Variants in ATF7 observed in about 807,000 individuals in gnomAD.
ATF7 encodes the protein activating transcription factor 7.
In ATF7, 10 loss-of-function variants were observed where a neutral mutation model predicts 50.4. That is an observed-to-expected ratio of 0.20 (90% CI 0.12 to 0.34). The LOEUF (loss-of-function observed/expected upper bound fraction) is 0.34. ATF7 is among the 10% of genes least tolerant of loss of function. The pLI is 1.00. For missense variants in ATF7, 465 were observed against 613.9 expected (o/e 0.76, Z 2.56); for synonymous variants, 201 against 226.4 (o/e 0.89, Z 1.01).
intron 2 of ATF7, among the ~76,000 whole-genome samples, chr12:53,587,568 G>A (rs79464068): frequency 0.037 from 5,585 of 149,900 alleles, 186 homozygotes; most frequent in East Asian, 0.19. Context: ...TTGGGAGGCT[G>A]AGGCACGACA....
At chr12:53,540,881 G>A (rs1367898804) in intron 4 of ATF7, among the ~76,000 whole-genome samples, 2 of 152,046 alleles carry the variant, frequency 1.3e-5, no homozygotes, top group African/African-American at 4.8e-5. Flanking sequence ...ATAGGCGTGT[G>A]CTACCACACT....
Position 53,605,272 on chromosome 12 carries a change from C to G in ATF7, c.-21-4251G>C, listed in dbSNP as rs149481315. 5.9e-3 allele frequency among the ~76,000 whole-genome samples: 902 copies of G among 151,824 alleles called. 12 individuals are homozygous for G. The highest frequency in any genetic ancestry group is 0.021 in the African/African-American group (856 of 41,348). On this transcript the variant is annotated intron_variant, in intron 1 of 11. Coordinates refer to ENST00000420353, the MANE Select transcript of ATF7 (RefSeq NM_006856.3). ...GGCATGGTGGCGCATGCCTGTAATC[C>G]CAGCTACTTGGGAGGCTGAGGCAGG...
intron 4 of ATF7, among the ~76,000 whole-genome samples, chr12:53,538,401 T>A (rs1229789249): frequency 6.6e-6 from 1 of 152,166 alleles, no homozygotes; most frequent in African/African-American, 2.4e-5. Flanking sequence ...TGGTGCTGGA[T>A]GTATCAGGTA....
chr12:53,567,332 G>A (rs979126164), intron 2 of ATF7, among the ~76,000 whole-genome samples: 3 of 152,034 alleles, frequency 2.0e-5, no homozygotes, highest in Admixed American at 2.0e-4. Context: ...CTATACACTG[G>A]GCTTTTAGGA....
rs147765372 is a variant in ATF7 at position 53,549,879 on chromosome 12, C to T, written c.145+2662G>A. Among the ~76,000 whole-genome samples, 210 of 152,074 alleles carry T rather than the reference C, an allele frequency of 1.4e-3. 1 individual carries two copies. The highest frequency in any genetic ancestry group is 4.9e-3 in the African/African-American group (204 of 41,512). On this transcript the variant is annotated intron_variant, in intron 3 of 11. Coordinates refer to ENST00000420353, the MANE Select transcript of ATF7 (RefSeq NM_006856.3). ...AATTATGGGCGTGAGCCAACATGCC[C>T]GGCTAATTTTGTATTTTTAGTAGAG...
chr12:53,540,938 T>C (rs1210552972), intron 4 of ATF7, among the ~76,000 whole-genome samples: 2 of 152,072 alleles, frequency 1.3e-5, no homozygotes, highest in African/African-American at 4.8e-5. Flanking sequence ...ACCATGCTGC[T>C]CAGGCTGGTC....
chr12:53,620,008 G>A (rs1235605835), intron 1 of ATF7, among the ~76,000 whole-genome samples: 2 of 152,028 alleles, frequency 1.3e-5, no homozygotes, highest in Non-Finnish European at 2.9e-5. Flanking sequence ...CAGGCATGGT[G>A]GCATGAGCCT....
Position 53,529,222 on chromosome 12 carries a change from G to A in ATF7, c.927+2522C>T, listed in dbSNP as rs961564653. Reference sequence around the variant, plus strand: ...ATTTATTTAGTTATTTATTTAAGACGGAGTTTCACTCTTGTTGCCCAGGCT... The same window carrying A: ...ATTTATTTAGTTATTTATTTAAGACAGAGTTTCACTCTTGTTGCCCAGGCT... On this transcript the variant is annotated intron_variant, in intron 9 of 11. Coordinates refer to ENST00000420353, the MANE Select transcript of ATF7 (RefSeq NM_006856.3). 2.3e-4 allele frequency among the ~76,000 whole-genome samples: 35 copies of A among 152,198 alleles called. 1 individual carries two copies. Among genetic ancestry groups the A allele is most frequent in the Admixed American group, 2.0e-3 (30 of 15,258 alleles).
chr12:53,527,310 TC>T (rs1938538908), intron 9 of ATF7, among the ~76,000 whole-genome samples: 1 of 150,228 alleles, frequency 6.7e-6, no homozygotes, highest in Non-Finnish European at 1.5e-5. Context: ...CATAGTGAGA[TC>T]CGTTTCTACA....
downstream of ATF7, chr12:53,512,046 G>A (rs1304249955): frequency 6.6e-6 from 1 of 152,188 alleles, no homozygotes; most frequent in Admixed American, 6.5e-5. Context: ...TGAAGCATCA[G>A]ACATAACAGT....
chr12:53,578,576 G>T (rs1942226512), intron 2 of ATF7, among the ~76,000 whole-genome samples: 1 of 151,814 alleles, frequency 6.6e-6, no homozygotes, highest in African/African-American at 2.4e-5. Context: ...TAGCCCGGGA[G>T]TTTGAGATCA....
chr12:53,545,635 C>CA (rs1360851104), intron 3 of ATF7, among the ~76,000 whole-genome samples: 5 of 152,020 alleles, frequency 3.3e-5, no homozygotes, highest in East Asian at 1.9e-4. Context: ...CGCGCCTAGC[C>CA]AAAAAAATCA....
chr12:53,605,494 A>G (rs1943567428), intron 1 of ATF7, among the ~76,000 whole-genome samples: 1 of 152,186 alleles, frequency 6.6e-6, no homozygotes, highest in South Asian at 2.1e-4. Flanking sequence ...AAATTCATTA[A>G]TTCACCAAAT....
Position 53,581,967 on chromosome 12 carries a change from A to T in ATF7, c.48+18986T>A, listed in dbSNP as rs114685156. Among the ~76,000 whole-genome samples the T allele has an allele frequency of 4.1e-3, 619 of 151,794 alleles. 2 individuals are homozygous for T. The highest frequency in any genetic ancestry group is 0.014 in the African/African-American group (568 of 41,396). On this transcript the variant is annotated intron_variant, in intron 2 of 11. Transcript: ENST00000420353. ...GCAAGACCATGTCTCTATAAAAAAT[A>T]AAAAAATTAGCCGGGTATGGTGGTG...
chr12:53,598,258 T>C (rs1413835824), intron 2 of ATF7, among the ~76,000 whole-genome samples: 1 of 152,190 alleles, frequency 6.6e-6, no homozygotes, highest in Non-Finnish European at 1.5e-5. Flanking sequence ...AGACTAAATA[T>C]AACTAAAGAA....
chr12:53,611,587 AT>A (rs1239701822), intron 1 of ATF7, among the ~76,000 whole-genome samples: 1 of 152,028 alleles, frequency 6.6e-6, no homozygotes, highest in Non-Finnish European at 1.5e-5. Context: ...TAGTTTTTAC[AT>A]TTTTCTTTTC....
At chr12:53,532,652 AG>A in intron 7 of ATF7, 29 bp from the exon 8 acceptor site, 1 of 1,410,320 alleles carries the variant, frequency 7.1e-7, no homozygotes, top group Non-Finnish European at 9.7e-7. Flanking sequence ...AAAAAAAAAA[AG>A]AGAAGGGAAC....
At chr12:53,562,119 A>C (rs1175222150) in intron 2 of ATF7, among the ~76,000 whole-genome samples, 1 of 152,226 alleles carries the variant, frequency 6.6e-6, no homozygotes, top group Non-Finnish European at 1.5e-5. Context: ...GTATAAAGAA[A>C]AGGAATTTTG....
At chr12:53,519,157 TTCA>T (rs1937932989) in intron 11 of ATF7, among the ~76,000 whole-genome samples, 1 of 152,174 alleles carries the variant, frequency 6.6e-6, no homozygotes, top group Non-Finnish European at 1.5e-5. Context: ...ACAGCATATA[TTCA>T]TCAAACATTT....
Sources: gnomAD v4.1 joint callset for allele counts (sites outside exome capture counted in the v4.1 genomes callset) on GRCh38, gnomAD v4.1.1 for gene constraint, MANE v1.5 for transcripts, NCBI Gene and HGNC (gene_info 2026-07-23, HGNC 2026-07-21) for gene names.